Variants in SLC25A21 observed in about 807,000 individuals in gnomAD.
SLC25A21 encodes the protein solute carrier family 25 member 21, also known as mitochondrial 2-oxodicarboxylate carrier.
A neutral mutation model predicts 43.8 loss-of-function variants in SLC25A21; 47 were observed. The ratio of observed to expected loss-of-function variants is 1.07; its 90% CI spans 0.85 to 1.37. The LOEUF is 1.37. Ranked by LOEUF, SLC25A21 falls within the 40% of genes most tolerant of loss-of-function variation. The pLI is 0.00. For synonymous variants in SLC25A21, 131 were observed against 121.3 expected (o/e 1.08, Z -0.52); for missense variants, 352 against 350.2 (o/e 1.00, Z -0.04).
intron 3 of SLC25A21, among the ~76,000 whole-genome samples, chr14:36,779,271 A>G (rs1411757602): frequency 6.9e-6 from 1 of 145,682 alleles, no homozygotes; most frequent in South Asian, 2.1e-4. Context: ...ATAAGAATAT[A>G]TAAGAATTCT....
intron 1 of SLC25A21, among the ~76,000 whole-genome samples, chr14:37,013,929 T>C (rs1960789676): frequency 2.0e-5 from 3 of 152,166 alleles, no homozygotes; most frequent in African/African-American, 7.2e-5. Flanking sequence ...AGTCTATTAG[T>C]AGCAGGCTAT....
At chr14:36,842,825 G>A (rs1191018180) in intron 2 of SLC25A21, among the ~76,000 whole-genome samples, 1 of 152,180 alleles carries the variant, frequency 6.6e-6, no homozygotes, top group African/African-American at 2.4e-5. Flanking sequence ...AGACTGGGGA[G>A]GCAGGAGGAT....
chr14:36,868,817 G>A (rs931859276), intron 2 of SLC25A21, among the ~76,000 whole-genome samples: 1 of 152,164 alleles, frequency 6.6e-6, no homozygotes, highest in Non-Finnish European at 1.5e-5. Context: ...GACTTCCCTG[G>A]GTTCAGCAAA....
At chr14:37,119,234 C>G (rs916074351) in intron 1 of SLC25A21, among the ~76,000 whole-genome samples, 7 of 152,148 alleles carry the variant, frequency 4.6e-5, no homozygotes, top group African/African-American at 1.4e-4. Context: ...CATAAATCCA[C>G]CCCTTGCTTA....
At chr14:37,032,578 T>A (rs893089296) in intron 1 of SLC25A21, among the ~76,000 whole-genome samples, 6 of 146,548 alleles carry the variant, frequency 4.1e-5, no homozygotes, top group Non-Finnish European at 7.4e-5. Context: ...GGCTGAGGCA[T>A]AAGAATTGCT....
At chr14:36,848,250 A>G (rs1889610687) in intron 2 of SLC25A21, among the ~76,000 whole-genome samples, 1 of 152,220 alleles carries the variant, frequency 6.6e-6, no homozygotes, top group South Asian at 2.1e-4. Context: ...AAGGCACAAC[A>G]AGATTTTTAA....
chr14:37,090,432 T>C (rs997019949), intron 1 of SLC25A21, among the ~76,000 whole-genome samples: 1 of 152,244 alleles, frequency 6.6e-6, no homozygotes, highest in African/African-American at 2.4e-5. Flanking sequence ...TGATATGCTG[T>C]TGCAGCTCAA....
intron 3 of SLC25A21, among the ~76,000 whole-genome samples, chr14:36,750,714 TA>T (rs1334251787): frequency 4.0e-5 from 6 of 151,894 alleles, no homozygotes; most frequent in Non-Finnish European, 5.9e-5. Flanking sequence ...TTAAAAATAT[TA>T]AAAAAACCAA....
chr14:36,961,361 G>A (rs1247165198), intron 1 of SLC25A21, among the ~76,000 whole-genome samples: 1 of 152,028 alleles, frequency 6.6e-6, no homozygotes, highest in Non-Finnish European at 1.5e-5. Flanking sequence ...ACAGGTGCCT[G>A]CCACCGCGCC....
chr14:36,944,230 G>A (rs534644925), intron 1 of SLC25A21, among the ~76,000 whole-genome samples: 17 of 152,168 alleles, frequency 1.1e-4, no homozygotes, highest in African/African-American at 3.6e-4. Context: ...GCATACTGTC[G>A]GGCAAGGACA....
rs569987342 is a variant in SLC25A21, at chr14:36,854,933, T to TGGG, written c.119+20020_119+20022dup. 2.5e-3 allele frequency among the ~76,000 whole-genome samples: 338 copies of TGGG among 134,474 alleles called. 2 individuals carry two copies. Among genetic ancestry groups the TGGG allele is most frequent in the Middle Eastern group, 0.012 (3 of 252 alleles). The allele number at this position is 134,474 out of a possible 152,430, so 88.2% of individuals were successfully genotyped here. A position where few individuals can be genotyped will look rare whatever the true frequency, so the allele number is the denominator to read the frequency against. ...TTTTGTTCTTTTCTGGGGCATGAGGTGGGGGGGGGTATTCTGCCATCCTTG... is the reference window on the plus strand; with the variant it reads ...TTTTGTTCTTTTCTGGGGCATGAGGTGGGGGGGGGGGGTATTCTGCCATCCTTG... On this transcript the variant is annotated intron_variant, in intron 2 of 9. Coordinates refer to ENST00000331299, the MANE Select transcript of SLC25A21 (RefSeq NM_030631.4).
At chr14:37,007,247 T>C (rs17105928) in intron 1 of SLC25A21, among the ~76,000 whole-genome samples, 15,776 of 152,178 alleles carry the variant, frequency 0.1, 2,732 homozygotes, top group African/African-American at 0.36. Context: ...CAGAAACTAG[T>C]CATGCAAAAG....
intron 3 of SLC25A21, among the ~76,000 whole-genome samples, chr14:36,805,556 C>T (rs904500712): frequency 1.3e-5 from 2 of 152,166 alleles, no homozygotes; most frequent in African/African-American, 4.8e-5. Context: ...CTGCCAGCAA[C>T]TGTGTGGCTT....
intron 1 of SLC25A21, among the ~76,000 whole-genome samples, chr14:37,025,836 G>C (rs1419641195): frequency 1.3e-5 from 2 of 152,040 alleles, no homozygotes; most frequent in Non-Finnish European, 2.9e-5. Flanking sequence ...GCCTGTTCAG[G>C]AGTTTTGTTT....
At chr14:36,810,716 C>T (rs1036676134) in intron 3 of SLC25A21, among the ~76,000 whole-genome samples, 1 of 152,114 alleles carries the variant, frequency 6.6e-6, no homozygotes, top group African/African-American at 2.4e-5. Flanking sequence ...AGCATACTTA[C>T]TGAGTGTCTC....
chr14:36,896,624 T>G (rs989798711), intron 1 of SLC25A21, among the ~76,000 whole-genome samples: 13 of 152,230 alleles, frequency 8.5e-5, no homozygotes, highest in Admixed American at 7.9e-4. Context: ...ATGCAGTTTC[T>G]TCCTAGCCTT....
intron 3 of SLC25A21, among the ~76,000 whole-genome samples, chr14:36,771,655 T>C (rs1886624430): frequency 6.6e-6 from 1 of 152,104 alleles, no homozygotes; most frequent in African/African-American, 2.4e-5. Context: ...TTTAGAACTA[T>C]ATATAGTTTA....
intron 1 of SLC25A21, among the ~76,000 whole-genome samples, chr14:36,906,913 TG>T (rs1186179950): frequency 2.6e-5 from 4 of 152,232 alleles, no homozygotes; most frequent in Non-Finnish European, 5.9e-5. Flanking sequence ...GCAGTTTGTA[TG>T]ATCTCCAAAG....
intron 3 of SLC25A21, among the ~76,000 whole-genome samples, chr14:36,765,940 C>T (rs890069233): frequency 6.6e-6 from 1 of 152,180 alleles, no homozygotes; most frequent in African/African-American, 2.4e-5. Context: ...AGACTCTTTT[C>T]CCACACAGAG....
Sources: gnomAD v4.1 joint callset for allele counts (sites outside exome capture counted in the v4.1 genomes callset) on GRCh38, gnomAD v4.1.1 for gene constraint, MANE v1.5 for transcripts, NCBI Gene and HGNC (gene_info 2026-07-23, HGNC 2026-07-21) for gene names.